UCN3: variants seen among roughly 807,000 people sequenced by gnomAD.
The protein encoded by UCN3 is urocortin-3.
UCN3 carries 3 observed loss-of-function variants against 3.6 expected under a neutral mutation model. That is an observed-to-expected ratio of 0.83 (90% CI 0.38 to 2.15). The LOEUF (loss-of-function observed/expected upper bound fraction) is 2.15, where lower values mean the gene tolerates loss of function less well. Among genes scored for constraint, UCN3 ranks in the 30% most tolerant of loss-of-function variants. The pLI, the probability that UCN3 is intolerant of heterozygous loss-of-function variation, is 0.06. For missense variants in UCN3, 206 were observed against 208.3 expected, an observed-to-expected ratio of 0.99 and a Z score of 0.07; for synonymous variants, 100 against 93.2, an observed-to-expected ratio of 1.07 and a Z score of -0.42.
At chr10:5,370,481 A>ATGTG (rs1298485200) in intron 1 of UCN3, among the ~76,000 whole-genome samples, 1 of 21,724 alleles carries the variant, frequency 4.6e-5, no homozygotes, top group African/African-American at 2.1e-4. Flanking sequence ...GCGTGTGTAT[A>ATGTG]TGTGTGTATG....
chr10:5,370,376 TGCGTGTATATGC>T (rs1422011613), intron 1 of UCN3, among the ~76,000 whole-genome samples: 5 of 74,668 alleles, frequency 6.7e-5, no homozygotes, highest in Non-Finnish European at 9.7e-5. Context: ...CGTGTGTATA[TGCGTGTATATGC>T]GTGTGTATAT....
In UCN3 at chr10:5,374,236, G is replaced by A. The variant is rs782274690; in HGVS notation, c.*30G>A. ...GGAGGCTGGACGGGAGGGCAGCGGG[G>A]TGGGGAGGGGGAGGGGAGGGGGAGG... On this transcript the variant is annotated 3_prime_UTR_variant, in exon 2 of 2. Transcript: ENST00000380433. The A allele has an allele frequency of 3.5e-6, 3 of 861,796 alleles. No individual in the cohort carries two copies. Among genetic ancestry groups the A allele is most frequent in the Non-Finnish European group, 5.3e-6 (3 of 571,016 alleles). The allele number at this position is 861,796 out of a possible 1,614,324, so 53.4% of individuals were successfully genotyped here.
At chr10:5,370,559 GTGTGTGTATA>G (rs1564443183) in intron 1 of UCN3, among the ~76,000 whole-genome samples, 1 of 112,378 alleles carries the variant, frequency 8.9e-6, no homozygotes, top group Non-Finnish European at 1.8e-5. Flanking sequence ...GTGTGTATAT[GTGTGTGTATA>G]TGCGTGTATA....
intron 1 of UCN3, among the ~76,000 whole-genome samples, chr10:5,368,844 C>G (rs1046938646): frequency 5.9e-5 from 9 of 152,166 alleles, no homozygotes; most frequent in Non-Finnish European, 1.3e-4. Context: ...CCATTTTCCA[C>G]AGGGACGGTT....
Position 5,368,026 on chromosome 10 carries a change from C to G in UCN3, c.-7+2796C>G, listed in dbSNP as rs527389854. Among the ~76,000 whole-genome samples the G allele has an allele frequency of 2.2e-4, 33 of 152,132 alleles. No homozygotes were observed. In the South Asian group the frequency reaches 5.8e-3, roughly 27 times the overall value. On this transcript the variant is annotated intron_variant, in intron 1 of 1. Coordinates refer to ENST00000380433, the MANE Select transcript of UCN3 (RefSeq NM_053049.4). ...TTTTAATTTATTTATTTTTTTGAGA[C>G]AGAGTCTCACTCTTTCACCCAGGAT... is the stretch of plus-strand genomic sequence containing the variant.
Position 5,373,926 on chromosome 10 carries a change from C to A in UCN3, c.206C>A (p.Ser69Ter), listed in dbSNP as rs141701237. Reference sequence around the variant, plus strand: ...TACCTGCGCAGCAGAGACGCCTCTTCGGGAGAGGAGGAGGAGGGCAAAGAG... The same window carrying A: ...TACCTGCGCAGCAGAGACGCCTCTTAGGGAGAGGAGGAGGAGGGCAAAGAG... ...FHYLRSRDAS[S>*]GEEEEGKEKK... Residue 69 changes from serine to a stop codon, truncating the protein, a stop_gained, in exon 2 of 2, where the codon TCG becomes TAG. Coordinates refer to ENST00000380433, the MANE Select transcript of UCN3 (RefSeq NM_053049.4). LOFTEE classifies it low-confidence loss of function (END_TRUNC). The A allele has an allele frequency of 1.1e-5, 17 of 1,613,026 alleles. No individual in the cohort carries two copies. In the African/African-American group the frequency reaches 1.7e-4, roughly 16 times the overall value.
At position 5,370,948 on chromosome 10, in the gene UCN3, T is replaced by C. The variant is rs560659150; in HGVS notation, c.-6-2767T>C. The stretch of plus-strand genomic sequence containing the variant: ...GTGTATATGTGTGTTCATGTGTATG[T>C]GTGTAAGGTGTGTGTGTGTGTATGT... On this transcript the variant is annotated intron_variant, in intron 1 of 1. Coordinates refer to ENST00000380433, the MANE Select transcript of UCN3 (RefSeq NM_053049.4). Among the ~76,000 whole-genome samples, 84 of 94,294 alleles carry C rather than the reference T, an allele frequency of 8.9e-4. 5 individuals are homozygous for C. Among genetic ancestry groups the C allele is most frequent in the African/African-American group, 3.8e-3 (78 of 20,736 alleles). 61.9% of individuals were successfully genotyped at this position (94,294 alleles called of 152,430 possible). A position where few individuals can be genotyped will look rare whatever the true frequency, so the allele number is the denominator to read the frequency against.
chr10:5,370,643 A>ATGTGTGTGTGTGTGTG (rs1371514680), intron 1 of UCN3, among the ~76,000 whole-genome samples: 1 of 40,356 alleles, frequency 2.5e-5, no homozygotes, highest in Non-Finnish European at 4.5e-5. Context: ...ATGTGTGTGT[A>ATGTGTGTGTGTGTGTG]TATGTGTGTG....
At chr10:5,373,654 G>A (rs1299891239) in intron 1 of UCN3, 61 bp from the exon 2 acceptor site, 4 of 1,557,610 alleles carry the variant, frequency 2.6e-6, no homozygotes, top group Non-Finnish European at 2.6e-6. Context: ...TTTTAATCCA[G>A]GTCCTCCAGA....
intron 1 of UCN3, among the ~76,000 whole-genome samples, chr10:5,373,418 T>A (rs1330831053): frequency 1.3e-5 from 2 of 152,182 alleles, no homozygotes; most frequent in Non-Finnish European, 2.9e-5. Flanking sequence ...AACCCATAAA[T>A]ACTAATGAGG....
At chr10:5,369,862 G>GTGT (rs1554811024) in intron 1 of UCN3, among the ~76,000 whole-genome samples, 1 of 99,520 alleles carries the variant, frequency 1.0e-5, no homozygotes. Context: ...TATCCACGTG[G>GTGT]GTGTGTGTGT....
chr10:5,367,690 T>C lies in UCN3; in HGVS notation c.-7+2460T>C, dbSNP rs782427788. ...ATAGACAGGTAAACTCAAGTGTTGA[T>C]TTACACTAAAGGGCCAGTCCGTGTG... On this transcript the variant is annotated intron_variant, in intron 1 of 1. Coordinates refer to ENST00000380433, the MANE Select transcript of UCN3 (RefSeq NM_053049.4). This position sits in a 1 kb window ranked among gnomAD's most constrained non-coding sequence, Gnocchi z 4.3. 1.8e-4 allele frequency among the ~76,000 whole-genome samples: 28 copies of C among 152,198 alleles called. No individual in the cohort carries two copies. Among genetic ancestry groups the C allele is most frequent in the Non-Finnish European group, 4.1e-4 (28 of 68,038 alleles).
chr10:5,373,839 T>A lies in UCN3; in HGVS notation c.119T>A (p.Leu40Gln). 1 of 1,613,998 alleles carries A rather than the reference T, an allele frequency of 6.2e-7. No individual in the cohort carries two copies. Among genetic ancestry groups the A allele is most frequent in the Non-Finnish European group, 8.5e-7 (1 of 1,179,956 alleles). ...KPIFSCLNTA[L>Q]SEAEKGQWED... Reference sequence around the variant, plus strand: ...ATCTTCAGCTGCCTCAACACCGCCCTGTCTGAGGCTGAGAAGGGCCAGTGG... The same window carrying A: ...ATCTTCAGCTGCCTCAACACCGCCCAGTCTGAGGCTGAGAAGGGCCAGTGG... Residue 40 changes from leucine (L) to glutamine (Q), a missense_variant, in exon 2 of 2, where the codon CTG becomes CAG. Physicochemically the swap from Leu to Gln is moderately radical, Grantham distance 113. Transcript: ENST00000380433.
chr10:5,371,240 CTATA>C (rs1237956697), intron 1 of UCN3, among the ~76,000 whole-genome samples: 2 of 146,894 alleles, frequency 1.4e-5, no homozygotes, highest in African/African-American at 2.6e-5. Flanking sequence ...ATATGCATGT[CTATA>C]TGTATGTGTG....
At chr10:5,370,929 ATG>A (rs547485807) in intron 1 of UCN3, among the ~76,000 whole-genome samples, 22 of 115,204 alleles carry the variant, frequency 1.9e-4, no homozygotes, top group African/African-American at 4.0e-4. Flanking sequence ...GCGTGTGTAT[ATG>A]TGTGTTCATG....
chr10:5,370,293 G>A (rs199829378), intron 1 of UCN3, among the ~76,000 whole-genome samples: 1,498 of 37,664 alleles, frequency 0.04, 181 homozygotes, highest in Middle Eastern at 0.088. Context: ...ATGCGTGTGT[G>A]TATGCGTGTG....
chr10:5,369,869 GTGTATA>G (rs1431540232), intron 1 of UCN3, among the ~76,000 whole-genome samples: 6 of 140,586 alleles, frequency 4.3e-5, no homozygotes, highest in East Asian at 5.3e-4. Context: ...GTGGGTGTGT[GTGTATA>G]TGTGTGTGTA....
chr10:5,370,417 GTGTA>G (rs1387230830), intron 1 of UCN3, among the ~76,000 whole-genome samples: 1 of 101,336 alleles, frequency 9.9e-6, no homozygotes, highest in East Asian at 3.6e-4. Context: ...ATATGTGTGT[GTGTA>G]TATGCGTGTG....
Position 5,374,228 on chromosome 10 carries a change from GCAGC to G in UCN3, c.*23_*26del. 7.0e-7 allele frequency: 1 copy of G among 1,426,046 alleles called. No individual in the cohort carries two copies. Among genetic ancestry groups the G allele is most frequent in the Non-Finnish European group, 9.5e-7 (1 of 1,057,430 alleles). 88.3% of individuals were successfully genotyped at this position (1,426,046 alleles called of 1,614,324 possible). A position where few individuals can be genotyped will look rare whatever the true frequency, so the allele number is the denominator to read the frequency against. On this transcript the variant is annotated 3_prime_UTR_variant, in exon 2 of 2. Transcript: ENST00000380433. The stretch of plus-strand genomic sequence containing the variant: ...GTAGAGGCGGAGGCTGGACGGGAGG[GCAGC>G]GGGGTGGGGAGGGGGAGGGGAGGGG...
Sources: gnomAD v4.1 joint callset for allele counts (sites outside exome capture counted in the v4.1 genomes callset) on GRCh38, gnomAD v4.1.1 for gene constraint, Gnocchi (gnomAD v3.1) non-coding constraint, MANE v1.5 for transcripts, NCBI Gene and HGNC (gene_info 2026-07-23, HGNC 2026-07-21) for gene names.